Variants in RBBP8NL observed in about 807,000 individuals in gnomAD.
The protein encoded by RBBP8NL is RBBP8 N-terminal like.
Under a neutral mutation model 62.2 loss-of-function variants are expected in RBBP8NL, and 59 were observed. That is an observed-to-expected ratio of 0.95 (90% CI 0.77 to 1.18). The LOEUF (loss-of-function observed/expected upper bound fraction) is 1.18, where lower values mean the gene tolerates loss of function less well. Among genes scored for constraint, RBBP8NL ranks in the 50% most tolerant of loss-of-function variants. The probability of loss-of-function intolerance (pLI) is 0.00; values close to 1 mark genes in which losing one functional copy is unlikely to be tolerated. For synonymous variants in RBBP8NL, 412 were observed against 394.1 expected, an observed-to-expected ratio of 1.05 and a Z score of -0.54; for missense variants, 896 against 899.5, an observed-to-expected ratio of 1.00 and a Z score of 0.05.
intron 1 of RBBP8NL, among the ~76,000 whole-genome samples, chr20:62,421,488 CAT>C (rs971040024): frequency 7.6e-6 from 1 of 131,498 alleles, no homozygotes; most frequent in African/African-American, 3.3e-5. Flanking sequence ...AGTCAGTGTG[CAT>C]GTGTGTGCTG....
chr20:62,416,655 C>T (rs1331339642), intron 5 of RBBP8NL, 105 bp downstream of exon 5: 22 of 746,934 alleles, frequency 2.9e-5, no homozygotes, highest in African/African-American at 1.0e-4. Flanking sequence ...GGTGTGGGGC[C>T]GATCGTCCTG....
intron 13 of RBBP8NL, 138 bp downstream of exon 13, chr20:62,412,486 G>C: frequency 8.5e-7 from 1 of 1,169,868 alleles, no homozygotes; most frequent in Non-Finnish European, 1.2e-6. Context: ...ATTTGGGGAG[G>C]GTTGAGGTTC....
Position 62,414,099 on chromosome 20 carries a change from G to A in RBBP8NL, c.1252C>T (p.Gln418Ter). The change falls in exon 10 of 14, where the codon CAG becomes TAG. Residue 418 changes from glutamine (Q) to a stop codon, truncating the protein, a stop_gained. Transcript: ENST00000252998. LOFTEE classifies it high-confidence loss of function. ...AAGLSGGRHT[Q>*]PAGPGRAQRT... ...TGGGCGCGGCCCGGGCCTGCAGGCTGTGTGTGCCGCCCTCCAGACAGGCCT... is the reference window on the plus strand; with the variant it reads ...TGGGCGCGGCCCGGGCCTGCAGGCTATGTGTGCCGCCCTCCAGACAGGCCT... 1.3e-6 allele frequency: 2 copies of A among 1,592,892 alleles called. No homozygotes were observed. The highest frequency in any genetic ancestry group is 1.7e-5 in the Admixed American group (1 of 57,540).
At chr20:62,424,560 C>G (rs1046763864) in intron 1 of RBBP8NL, among the ~76,000 whole-genome samples, 1 of 152,178 alleles carries the variant, frequency 6.6e-6, no homozygotes, top group African/African-American at 2.4e-5. Flanking sequence ...GCTGCTCTCA[C>G]CAGAACGGAA....
chr20:62,426,975 G>A (rs948228745), intron 1 of RBBP8NL, among the ~76,000 whole-genome samples: 2 of 152,196 alleles, frequency 1.3e-5, no homozygotes, highest in Non-Finnish European at 2.9e-5. Flanking sequence ...AGCAAGGCCC[G>A]CCTTTGTGGC....
chr20:62,424,544 C>G (rs190790395), intron 1 of RBBP8NL, among the ~76,000 whole-genome samples: 2 of 152,130 alleles, frequency 1.3e-5, no homozygotes, highest in African/African-American at 4.8e-5. Flanking sequence ...AACCAAGGGG[C>G]GACGTGCTGC....
At position 62,414,461 on chromosome 20, in the gene RBBP8NL, G is replaced by T; in HGVS notation, c.890C>A (p.Ser297Tyr). Residue 297 changes from serine (S) to tyrosine (Y), a missense_variant, in exon 10 of 14, where the codon TCC becomes TAC. Transcript: ENST00000252998. ...GCTGTGGGGGCTCTGAAGGTGCAGG[G>T]ACAGGGGGCGGTTTAGGAGGCAGAG... The part of the protein sequence containing the change: ...DRLCLLNRPL[S>Y]LHLQSPHSSP... 1 of 1,488,434 alleles carries T rather than the reference G, an allele frequency of 6.7e-7. No individual in the cohort carries two copies. Among genetic ancestry groups the T allele is most frequent in the Non-Finnish European group, 9.0e-7 (1 of 1,115,692 alleles). The allele number at this position is 1,488,434 out of a possible 1,614,324, so 92.2% of individuals were successfully genotyped here.
intron 1 of RBBP8NL, among the ~76,000 whole-genome samples, chr20:62,426,884 C>T (rs1988821746): frequency 1.3e-5 from 2 of 152,240 alleles, no homozygotes; most frequent in South Asian, 4.1e-4. Context: ...CTGACTCCCT[C>T]CCGGAGGTGG....
chr20:62,412,018 C>G (rs764170744), intron 13 of RBBP8NL, among the ~76,000 whole-genome samples: 4 of 152,256 alleles, frequency 2.6e-5, no homozygotes, highest in Non-Finnish European at 4.4e-5. Context: ...CCATTGAGCC[C>G]AGAGCAGGAA....
At chr20:62,413,287 C>T in intron 11 of RBBP8NL, 114 bp downstream of exon 11, 1 of 1,282,408 alleles carries the variant, frequency 7.8e-7, no homozygotes, top group Non-Finnish European at 1.0e-6. Context: ...GTCAGATCGG[C>T]AGGGCAGAGC....
rs567031028 is a variant in RBBP8NL, at chr20:62,414,655, C to T, written c.795-99G>A. ...AGACGACAGGCACCCACTCCACAGG[C>T]GAGGAAACTGAGGTCCAGAGAGGTG... is the stretch of plus-strand genomic sequence containing the variant. On this transcript the variant is annotated intron_variant, in intron 9 of 13. Transcript: ENST00000252998. 1.7e-4 allele frequency: 224 copies of T among 1,328,108 alleles called. No individual in the cohort carries two copies. The African/African-American group carries it at 2.5e-3, about 15-fold the overall frequency. 82.3% of individuals were successfully genotyped at this position (1,328,108 alleles called of 1,614,324 possible). A position where few individuals can be genotyped will look rare whatever the true frequency, so the allele number is the denominator to read the frequency against.
At chr20:62,424,100 G>A (rs1043247900) in intron 1 of RBBP8NL, among the ~76,000 whole-genome samples, 2 of 151,952 alleles carry the variant, frequency 1.3e-5, no homozygotes, top group African/African-American at 2.4e-5. Context: ...CTCATGGGGG[G>A]CTTCACAGGG....
At position 62,418,472 on chromosome 20, in the gene RBBP8NL, G is replaced by A. The variant is rs182306854; in HGVS notation, c.62-7C>T. On this transcript the variant is annotated splice_region_variant and splice_polypyrimidine_tract_variant and intron_variant, in intron 2 of 13. Transcript: ENST00000252998. ...AGAAGCTTGTTCTGCAGGCCTGGGG[G>A]AGCAAGCAGAGGGGCGGGGGGTCAG... is the stretch of plus-strand genomic sequence containing the variant. 33 of 1,549,904 alleles carry A rather than the reference G, an allele frequency of 2.1e-5. No homozygotes were observed. In the East Asian group the frequency reaches 5.4e-4, roughly 25 times the overall value.
chr20:62,419,972 C>T (rs1162099973), intron 1 of RBBP8NL, among the ~76,000 whole-genome samples: 7 of 152,150 alleles, frequency 4.6e-5, no homozygotes, highest in East Asian at 1.9e-4. Flanking sequence ...TGCTGGCTGC[C>T]GTGCGGGAGG....
chr20:62,411,846 C>T (rs762914293), intron 13 of RBBP8NL, among the ~76,000 whole-genome samples: 2 of 152,268 alleles, frequency 1.3e-5, no homozygotes, highest in African/African-American at 2.4e-5. Context: ...TCTCTACTGC[C>T]GCTCCGGGCA....
intron 9 of RBBP8NL, 43 bp downstream of exon 9, chr20:62,415,078 C>G: frequency 7.0e-7 from 1 of 1,430,538 alleles, no homozygotes; most frequent in Non-Finnish European, 9.2e-7. Flanking sequence ...GAGAGAAGAG[C>G]TCATCTGAGG....
chr20:62,411,036 C>T (rs1569022660), intron 13 of RBBP8NL, 40 bp from the exon 14 acceptor site: 1 of 1,399,688 alleles, frequency 7.1e-7, no homozygotes, highest in Non-Finnish European at 1.0e-6. Flanking sequence ...AGCTGTGTGC[C>T]TTCCTTTGAG....
chr20:62,416,931 G>T, intron 4 of RBBP8NL, 59 bp from the exon 5 acceptor site: 1 of 1,299,540 alleles, frequency 7.7e-7, no homozygotes, highest in Non-Finnish European at 1.1e-6. Context: ...AGAGGGCCTG[G>T]GACACTCACT....
chr20:62,411,572 G>A (rs1056366034), intron 13 of RBBP8NL, among the ~76,000 whole-genome samples: 1 of 152,248 alleles, frequency 6.6e-6, no homozygotes, highest in Non-Finnish European at 1.5e-5. Flanking sequence ...GCTGGGCAGG[G>A]TCATAAGGCT....
Sources: allele counts gnomAD v4.1 joint callset (sites outside exome capture counted in the v4.1 genomes callset), GRCh38; gene constraint gnomAD v4.1.1; transcripts MANE v1.5; gene names NCBI Gene and HGNC (gene_info 2026-07-23, HGNC 2026-07-21).